Variants in GALNT13 observed in about 807,000 individuals in gnomAD.
The protein encoded by GALNT13 is UDP-GalNAc:polypeptide N-acetylgalactosaminyltransferase 13.
Under a neutral mutation model 64.2 loss-of-function variants are expected in GALNT13, and 28 were observed. That is an observed-to-expected ratio of 0.44 (90% CI 0.32 to 0.60). The LOEUF (loss-of-function observed/expected upper bound fraction) is 0.60, where lower values mean the gene tolerates loss of function less well. GALNT13 is among the 20% of genes least tolerant of loss of function. The probability of loss-of-function intolerance (pLI) is 0.05; values close to 1 mark genes in which losing one functional copy is unlikely to be tolerated. For synonymous variants in GALNT13, 214 were observed against 224.6 expected, an observed-to-expected ratio of 0.95 and a Z score of 0.42; for missense variants, 577 against 669.8, an observed-to-expected ratio of 0.86 and a Z score of 1.53.
chr2:154,038,651 A>C (rs974900124), intron 3 of GALNT13, among the ~76,000 whole-genome samples: 3 of 152,172 alleles, frequency 2.0e-5, no homozygotes, highest in African/African-American at 7.2e-5. Flanking sequence ...GCCTGAAAAT[A>C]TAAAATCACT....
the GALNT13 span, among the ~76,000 whole-genome samples, chr2:153,827,526 G>A: frequency 1.3e-5 from 2 of 151,684 alleles, no homozygotes; most frequent in Non-Finnish European, 2.9e-5. Context: ...TTGGGAGGCT[G>A]AGCGGGGGAG....
At chr2:153,899,836 A>C (rs914284203) in intron 1 of GALNT13, among the ~76,000 whole-genome samples, 2 of 151,560 alleles carry the variant, frequency 1.3e-5, no homozygotes, top group Non-Finnish European at 2.9e-5. Context: ...TTGGTACTTA[A>C]GGGGATTTTT....
chr2:153,707,397 T>A, the GALNT13 span, among the ~76,000 whole-genome samples: 20 of 152,202 alleles, frequency 1.3e-4, no homozygotes, highest in Admixed American at 1.2e-3. Flanking sequence ...CTTGATTATA[T>A]TTGTGGTTGC....
chr2:154,171,363 C>T (rs1042998355), intron 4 of GALNT13, among the ~76,000 whole-genome samples: 8 of 152,142 alleles, frequency 5.3e-5, no homozygotes, highest in Non-Finnish European at 8.8e-5. Flanking sequence ...TTCCTCATGG[C>T]TTGAACGACA....
At chr2:153,837,668 G>A in the GALNT13 span, among the ~76,000 whole-genome samples, 4 of 151,322 alleles carry the variant, frequency 2.6e-5, no homozygotes, top group Admixed American at 2.6e-4. Context: ...CCATTCATTT[G>A]TCAATGAATA....
At chr2:153,082,573 TTA>T in the GALNT13 span, among the ~76,000 whole-genome samples, 64 of 40,556 alleles carry the variant, frequency 1.6e-3, no homozygotes, top group South Asian at 5.0e-3. Context: ...TTAGGCTGGT[TTA>T]TATATATATA....
At chr2:154,116,785 C>T (rs1046998423) in intron 3 of GALNT13, among the ~76,000 whole-genome samples, 2 of 152,068 alleles carry the variant, frequency 1.3e-5, no homozygotes, top group African/African-American at 2.4e-5. Flanking sequence ...CAGAAACCCC[C>T]GAACCAATGA....
chr2:153,272,917 C>A, the GALNT13 span, among the ~76,000 whole-genome samples: 1 of 152,158 alleles, frequency 6.6e-6, no homozygotes, highest in Non-Finnish European at 1.5e-5. Context: ...ACATATACAC[C>A]ATGGAATACT....
intron 9 of GALNT13, among the ~76,000 whole-genome samples, chr2:154,383,697 T>C (rs1574206184): frequency 6.6e-6 from 1 of 151,894 alleles, no homozygotes; most frequent in East Asian, 1.9e-4. Context: ...ATATTACTGT[T>C]ATGATATTCT....
intron 4 of GALNT13, among the ~76,000 whole-genome samples, chr2:154,144,708 G>A (rs750409045): frequency 4.8e-4 from 73 of 151,912 alleles, no homozygotes; most frequent in African/African-American, 1.6e-3. Flanking sequence ...AAACGTATTC[G>A]GGGAATAAAT....
At chr2:154,438,399 A>G (rs918882626) in intron 11 of GALNT13, among the ~76,000 whole-genome samples, 193 bp from the exon 12 acceptor site, 1 of 152,192 alleles carries the variant, frequency 6.6e-6, no homozygotes, top group Non-Finnish European at 1.5e-5. Context: ...ACATCATAAA[A>G]CAGATGACTT....
chr2:154,330,881 A>C (rs1439576241), intron 9 of GALNT13, among the ~76,000 whole-genome samples: 1 of 152,154 alleles, frequency 6.6e-6, no homozygotes, highest in Non-Finnish European at 1.5e-5. Context: ...CTGTTCTAAA[A>C]TTCCCTTTGA....
At chr2:153,197,498 T>C in the GALNT13 span, among the ~76,000 whole-genome samples, 1 of 152,230 alleles carries the variant, frequency 6.6e-6, no homozygotes, top group Non-Finnish European at 1.5e-5. Flanking sequence ...TGGCAACTGA[T>C]GAAGCAGGAC....
At chr2:154,041,237 C>T (rs1188867124) in intron 3 of GALNT13, among the ~76,000 whole-genome samples, 2 of 140,282 alleles carry the variant, frequency 1.4e-5, no homozygotes, top group Non-Finnish European at 3.3e-5. Flanking sequence ...AGAAATTACT[C>T]AAGCTATCTT....
chr2:153,654,296 A>G, the GALNT13 span, among the ~76,000 whole-genome samples: 9 of 152,258 alleles, frequency 5.9e-5, no homozygotes, highest in South Asian at 4.1e-4. Context: ...ACCAAATGCA[A>G]TTGTGTGGAT....
chr2:154,288,283 C>T (rs1421635337), intron 8 of GALNT13, among the ~76,000 whole-genome samples: 1 of 152,046 alleles, frequency 6.6e-6, no homozygotes, highest in African/African-American at 2.4e-5. Flanking sequence ...CACCAGATTC[C>T]TCCCACAACA....
the GALNT13 span, among the ~76,000 whole-genome samples, chr2:153,541,197 A>C: frequency 6.6e-6 from 1 of 152,034 alleles, no homozygotes; most frequent in Admixed American, 6.6e-5. Flanking sequence ...AATTCTCATG[A>C]GATCTGATGG....
the GALNT13 span, among the ~76,000 whole-genome samples, chr2:153,697,629 T>A: frequency 2.0e-5 from 3 of 152,240 alleles, no homozygotes; most frequent in Admixed American, 2.0e-4. Flanking sequence ...GCAGTGAGAA[T>A]GCTGTGTGTC....
At chr2:154,273,509 A>G (rs1463912385) in intron 8 of GALNT13, among the ~76,000 whole-genome samples, 2 of 152,160 alleles carry the variant, frequency 1.3e-5, no homozygotes, top group African/African-American at 4.8e-5. Flanking sequence ...ATGTGTACCT[A>G]TTTGCCACAT....
Sources: allele counts gnomAD v4.1 joint callset (sites outside exome capture counted in the v4.1 genomes callset), GRCh38; gene constraint gnomAD v4.1.1; transcripts MANE v1.5; gene names NCBI Gene and HGNC (gene_info 2026-07-23, HGNC 2026-07-21).